UBE2E1: variants seen among roughly 807,000 people sequenced by gnomAD.
UBE2E1 encodes ubiquitin conjugating enzyme E2 E1, also known as ubiquitin-conjugating enzyme E2 E1.
UBE2E1 carries 6 observed loss-of-function variants against 21.4 expected under a neutral mutation model. That is an observed-to-expected ratio of 0.28 (90% CI 0.15 to 0.55). The LOEUF is 0.55. UBE2E1 is among the 20% of genes least tolerant of loss of function. The probability of loss-of-function intolerance (pLI) is 0.93; values close to 1 mark genes in which losing one functional copy is unlikely to be tolerated. For missense variants in UBE2E1, 142 were observed against 236.5 expected, an observed-to-expected ratio of 0.60 and a Z score of 2.62; for synonymous variants, 87 against 82.7, an observed-to-expected ratio of 1.05 and a Z score of -0.28.
rs1412160103 is a variant in UBE2E1 at position 23,814,357 on chromosome 3, GGATA to G, written c.203+2848_203+2851del. Among the ~76,000 whole-genome samples the G allele has an allele frequency of 3.3e-5, 5 of 152,272 alleles. No individual in the cohort carries two copies. In the East Asian group the frequency reaches 7.7e-4, roughly 23 times the overall value. ...CTTAATGTTGTATATTATGTTGGGTGGATATTTTTTAGAACACAGTACAGATTGT... is the reference window on the plus strand; with the variant it reads ...CTTAATGTTGTATATTATGTTGGGTGTTTTTTAGAACACAGTACAGATTGT... On this transcript the variant is annotated intron_variant, in intron 3 of 5. Transcript: ENST00000306627.
chr3:23,872,746 C>A (rs1349373228), intron 3 of UBE2E1, among the ~76,000 whole-genome samples: 2 of 152,220 alleles, frequency 1.3e-5, no homozygotes, highest in African/African-American at 4.8e-5. Context: ...AGGCTGGGCG[C>A]AGTGGCTCGT....
intron 3 of UBE2E1, among the ~76,000 whole-genome samples, chr3:23,814,240 T>C (rs1303064613): frequency 6.6e-6 from 1 of 152,228 alleles, no homozygotes; most frequent in African/African-American, 2.4e-5. Context: ...TTTTGGCACT[T>C]GGCAAAAATA....
In UBE2E1 at chr3:23,843,020, G is replaced by T. The variant is rs539500203; in HGVS notation, c.203+31510G>T. 3.4e-3 allele frequency among the ~76,000 whole-genome samples: 518 copies of T among 150,608 alleles called. 2 individuals are homozygous for T. The highest frequency in any genetic ancestry group is 5.4e-3 in the Non-Finnish European group (364 of 67,746). On this transcript the variant is annotated intron_variant, in intron 3 of 5. Coordinates refer to ENST00000306627, the MANE Select transcript of UBE2E1 (RefSeq NM_003341.5). Reference sequence around the variant, plus strand: ...TAGCATATATACTATATATGTTACAGTTACATATAAAAATATATATTATAG... The same window carrying T: ...TAGCATATATACTATATATGTTACATTTACATATAAAAATATATATTATAG...
intron 3 of UBE2E1, among the ~76,000 whole-genome samples, chr3:23,814,541 C>G (rs143588271): frequency 2.9e-3 from 443 of 152,174 alleles, no homozygotes; most frequent in African/African-American, 0.01. Context: ...CCAACTCACT[C>G]TTCATTTTGG....
In UBE2E1 at chr3:23,842,523, C is replaced by T. The variant is rs1700118488; in HGVS notation, c.203+31013C>T. 6.6e-6 allele frequency among the ~76,000 whole-genome samples: 1 copy of T among 152,026 alleles called. No homozygotes were observed. Among genetic ancestry groups the T allele is most frequent in the Non-Finnish European group, 1.5e-5 (1 of 68,010 alleles). On this transcript the variant is annotated intron_variant, in intron 3 of 5. Coordinates refer to ENST00000306627, the MANE Select transcript of UBE2E1 (RefSeq NM_003341.5). This position sits in a 1 kb window ranked among gnomAD's most constrained non-coding sequence, Gnocchi z 4.6. The stretch of plus-strand genomic sequence containing the variant: ...TTATTATCATTTGCTATAAATATCA[C>T]TAAACTTTGTCATCCTAAGTGAGAT...
chr3:23,838,543 G>A (rs910449884), intron 3 of UBE2E1, among the ~76,000 whole-genome samples: 4 of 151,684 alleles, frequency 2.6e-5, no homozygotes, highest in Non-Finnish European at 5.9e-5. Context: ...CACCCAGGCC[G>A]GAGTGCAGTG....
At position 23,890,302 on chromosome 3, in the gene UBE2E1, A is replaced by G. The variant is rs549090991; in HGVS notation, c.485-207A>G. Among the ~76,000 whole-genome samples, 44 of 152,312 alleles carry G rather than the reference A, an allele frequency of 2.9e-4. 1 individual carries two copies. The South Asian group carries it at 8.3e-3, about 29-fold the overall frequency. On this transcript the variant is annotated intron_variant, in intron 5 of 5. Transcript: ENST00000306627. The stretch of plus-strand genomic sequence containing the variant: ...AACTAAGATAAAGACAGACCAGTAC[A>G]CTAAAGCCTAAGCATTCCCTCTTCC...
chr3:23,848,887 T>G (rs1489238496), intron 3 of UBE2E1, among the ~76,000 whole-genome samples: 1 of 152,232 alleles, frequency 6.6e-6, no homozygotes, highest in East Asian at 1.9e-4. Context: ...TCATGTGGTC[T>G]TTAGTGAGTG....
At chr3:23,850,109 T>G (rs531157040) in intron 3 of UBE2E1, among the ~76,000 whole-genome samples, 2 of 152,340 alleles carry the variant, frequency 1.3e-5, no homozygotes, top group South Asian at 4.1e-4. Context: ...TTTGCCTGTT[T>G]TATTAATAAA....
chr3:23,861,124 A>AT (rs1304176651), intron 3 of UBE2E1, among the ~76,000 whole-genome samples: 46 of 152,278 alleles, frequency 3.0e-4, no homozygotes, highest in Non-Finnish European at 5.0e-4. Flanking sequence ...TAGACATCTT[A>AT]TTTGTATATG....
intron 2 of UBE2E1, 46 bp downstream of exon 2, chr3:23,807,467 G>A: frequency 1.3e-6 from 2 of 1,589,384 alleles, no homozygotes; most frequent in Non-Finnish European, 1.7e-6. Context: ...TTTCCGAACT[G>A]CCTCTTGCTG....
chr3:23,867,661 C>T (rs1700687138), intron 3 of UBE2E1, among the ~76,000 whole-genome samples: 1 of 152,170 alleles, frequency 6.6e-6, no homozygotes. Flanking sequence ...TTGGAGTACA[C>T]TTGAGCCCTT....
At chr3:23,881,714 G>A (rs1191845473) in intron 3 of UBE2E1, among the ~76,000 whole-genome samples, 1 of 152,228 alleles carries the variant, frequency 6.6e-6, no homozygotes, top group East Asian at 1.9e-4. Flanking sequence ...TCCGGAATTG[G>A]TGGGTTCTTG....
intron 3 of UBE2E1, among the ~76,000 whole-genome samples, chr3:23,831,486 C>G (rs949307509): frequency 6.7e-6 from 1 of 149,486 alleles, no homozygotes; most frequent in Middle Eastern, 3.2e-3. Flanking sequence ...ATATTGGGAG[C>G]TAGTTTGACA....
chr3:23,880,929 G>A (rs1701024228), intron 3 of UBE2E1, among the ~76,000 whole-genome samples: 1 of 152,208 alleles, frequency 6.6e-6, no homozygotes, highest in Non-Finnish European at 1.5e-5. Flanking sequence ...GACTGTATAT[G>A]TGTAAAGCAA....
rs1265390060 is a variant in UBE2E1, at chr3:23,870,492, G to A, written c.204-17075G>A. 6.6e-6 allele frequency among the ~76,000 whole-genome samples: 1 copy of A among 152,126 alleles called. No individual in the cohort carries two copies. The highest frequency in any genetic ancestry group is 1.5e-5 in the Non-Finnish European group (1 of 68,022). ...TGGGCAGAGCAGCTTTAAGCACAGAGGCGCAGATAGGGGTAGCTAGAACTT... is the reference window on the plus strand; with the variant it reads ...TGGGCAGAGCAGCTTTAAGCACAGAAGCGCAGATAGGGGTAGCTAGAACTT... On this transcript the variant is annotated intron_variant, in intron 3 of 5. Coordinates refer to ENST00000306627, the MANE Select transcript of UBE2E1 (RefSeq NM_003341.5). This position sits in a 1 kb window ranked among gnomAD's most constrained non-coding sequence, Gnocchi z 4.2.
In UBE2E1 at chr3:23,823,495, C is replaced by T. The variant is rs1233747237; in HGVS notation, c.203+11985C>T. On this transcript the variant is annotated intron_variant, in intron 3 of 5. Transcript: ENST00000306627. The surrounding 1 kb of genome is among the most constrained non-coding windows in gnomAD (Gnocchi z 4.2). ...GCTCCACAAGTAATTTAAATTGTTC[C>T]TACTACCACTTACAACCTTTCCTCC... is the stretch of plus-strand genomic sequence containing the variant. Among the ~76,000 whole-genome samples, 1 of 152,152 alleles carries T rather than the reference C, an allele frequency of 6.6e-6. No homozygotes were observed. The highest frequency in any genetic ancestry group is 1.5e-5 in the Non-Finnish European group (1 of 68,020).
intron 3 of UBE2E1, among the ~76,000 whole-genome samples, chr3:23,866,980 A>T (rs1486749840): frequency 6.6e-6 from 1 of 152,172 alleles, no homozygotes; most frequent in Non-Finnish European, 1.5e-5. Context: ...CACCTTAAGA[A>T]AACCTGGATT....
At chr3:23,844,742 G>T (rs539888963) in intron 3 of UBE2E1, among the ~76,000 whole-genome samples, 2 of 152,102 alleles carry the variant, frequency 1.3e-5, no homozygotes, top group Non-Finnish European at 2.9e-5. Flanking sequence ...ACTTACATAT[G>T]GAGAATATGT....
Sources: gnomAD v4.1 joint callset for allele counts (sites outside exome capture counted in the v4.1 genomes callset) on GRCh38, gnomAD v4.1.1 for gene constraint, Gnocchi (gnomAD v3.1) non-coding constraint, MANE v1.5 for transcripts, NCBI Gene and HGNC (gene_info 2026-07-23, HGNC 2026-07-21) for gene names.